SV2C: variants seen among roughly 807,000 people sequenced by gnomAD.
The protein encoded by SV2C is synaptic vesicle glycoprotein 2C, also known as solute carrier family 22 member B3.
Under a neutral mutation model 79.7 loss-of-function variants are expected in SV2C, and 49 were observed. That is an observed-to-expected ratio of 0.61 (90% CI 0.49 to 0.78). SV2C has a LOEUF of 0.78. Among genes scored for constraint, SV2C ranks in the 30% least tolerant of loss-of-function variants. The probability of loss-of-function intolerance (pLI) is 0.00; values close to 1 mark genes in which losing one functional copy is unlikely to be tolerated. For synonymous variants in SV2C, 334 were observed against 333.2 expected, an observed-to-expected ratio of 1.00 and a Z score of -0.03; for missense variants, 833 against 912.9, an observed-to-expected ratio of 0.91 and a Z score of 1.13.
At chr5:75,913,595 A>G in the SV2C span, among the ~76,000 whole-genome samples, 2 of 152,214 alleles carry the variant, frequency 1.3e-5, no homozygotes. Context: ...GTGTAAGATG[A>G]CAAGACTAAT....
chr5:76,037,699 G>C, the SV2C span, among the ~76,000 whole-genome samples: 2,410 of 152,308 alleles, frequency 0.016, 62 homozygotes, highest in African/African-American at 0.049. Context: ...CTGTCTTTTT[G>C]TTTGTCTGTG....
chr5:76,074,909 A>G, the SV2C span, among the ~76,000 whole-genome samples: 5 of 152,242 alleles, frequency 3.3e-5, no homozygotes, highest in Admixed American at 6.5e-5. Flanking sequence ...AACACAGCTC[A>G]ACTCAAATCA....
the SV2C span, among the ~76,000 whole-genome samples, chr5:75,956,400 G>A: frequency 2.7e-5 from 3 of 112,566 alleles, no homozygotes; most frequent in Admixed American, 3.5e-4. Flanking sequence ...CTGTTGTGGG[G>A]TGGGGGGAGG....
the SV2C span, among the ~76,000 whole-genome samples, chr5:75,859,673 C>T: frequency 1.3e-5 from 2 of 152,110 alleles, no homozygotes; most frequent in African/African-American, 4.8e-5. Flanking sequence ...CGCGGCATTC[C>T]ACAGGTTGCT....
chr5:75,858,141 G>T, the SV2C span, among the ~76,000 whole-genome samples: 1 of 152,108 alleles, frequency 6.6e-6, no homozygotes, highest in Non-Finnish European at 1.5e-5. Context: ...CCAGTCGTAC[G>T]GTGAATAACA....
the SV2C span, chr5:75,921,395 A>T: frequency 2.4e-6 from 2 of 840,356 alleles, no homozygotes; most frequent in Non-Finnish European, 4.2e-6. Flanking sequence ...CCCTGGGTCA[A>T]ACTGCGCTTG....
At chr5:76,115,868 T>C (rs961404927) in intron 1 of SV2C, among the ~76,000 whole-genome samples, 1 of 152,196 alleles carries the variant, frequency 6.6e-6, no homozygotes, top group Non-Finnish European at 1.5e-5. Context: ...TGACCCCCTC[T>C]CCCTGGCTCT....
intron 12 of SV2C, among the ~76,000 whole-genome samples, chr5:76,312,840 G>T (rs2112546981): frequency 6.6e-6 from 1 of 152,324 alleles, no homozygotes; most frequent in South Asian, 2.1e-4. Flanking sequence ...TGAGAGTCCT[G>T]GGCAGCTGCT....
At chr5:76,302,024 T>C (rs1425271851) in intron 12 of SV2C, among the ~76,000 whole-genome samples, 2 of 149,654 alleles carry the variant, frequency 1.3e-5, no homozygotes, top group Non-Finnish European at 1.5e-5. Context: ...AAAGAAAATA[T>C]AGGGGAACAT....
intron 3 of SV2C, among the ~76,000 whole-genome samples, chr5:76,201,815 G>A (rs1311668329): frequency 2.6e-5 from 4 of 151,920 alleles, no homozygotes; most frequent in African/African-American, 9.7e-5. Context: ...TCAGGAGATC[G>A]AGACCATCCT....
At chr5:75,950,326 T>C in the SV2C span, among the ~76,000 whole-genome samples, 2 of 152,032 alleles carry the variant, frequency 1.3e-5, no homozygotes, top group Non-Finnish European at 2.9e-5. Context: ...TACAAATGAA[T>C]TTAATCATTA....
At chr5:75,939,862 C>T in the SV2C span, among the ~76,000 whole-genome samples, 1 of 152,124 alleles carries the variant, frequency 6.6e-6, no homozygotes, top group African/African-American at 2.4e-5. Flanking sequence ...AACCTCTCTC[C>T]TCCCCATCTT....
chr5:75,951,066 C>T, the SV2C span, among the ~76,000 whole-genome samples: 2 of 151,912 alleles, frequency 1.3e-5, no homozygotes, highest in Non-Finnish European at 2.9e-5. Flanking sequence ...TACAAAAATG[C>T]CATAGAATAT....
chr5:76,271,076 T>C (rs541316040), intron 4 of SV2C, among the ~76,000 whole-genome samples: 5 of 152,236 alleles, frequency 3.3e-5, no homozygotes, highest in Admixed American at 3.3e-4. Flanking sequence ...ACCTAATCGC[T>C]ATGATTTTTA....
At chr5:75,928,522 C>T in the SV2C span, among the ~76,000 whole-genome samples, 1 of 152,164 alleles carries the variant, frequency 6.6e-6, no homozygotes, top group Non-Finnish European at 1.5e-5. Context: ...TATGAACTCC[C>T]TGCAATTGTA....
At chr5:76,288,910 C>G (rs561816958) in intron 6 of SV2C, among the ~76,000 whole-genome samples, 1 of 150,936 alleles carries the variant, frequency 6.6e-6, no homozygotes, top group Non-Finnish European at 1.5e-5. Flanking sequence ...GACAGGGTCT[C>G]GTTCTGTTGC....
At chr5:76,068,637 T>TA in the SV2C span, among the ~76,000 whole-genome samples, 1 of 152,088 alleles carries the variant, frequency 6.6e-6, no homozygotes, top group East Asian at 1.9e-4. Context: ...TTATCTGATC[T>TA]AAAAAAAGTT....
chr5:76,098,299 A>T (rs2112112452), intron 1 of SV2C, among the ~76,000 whole-genome samples: 2 of 152,330 alleles, frequency 1.3e-5, no homozygotes, highest in Admixed American at 1.3e-4. Context: ...AGAGGGGCTG[A>T]AGGCCTGGTG....
intron 4 of SV2C, among the ~76,000 whole-genome samples, chr5:76,273,448 A>G (rs141562846): frequency 1.6e-3 from 236 of 152,084 alleles, no homozygotes; most frequent in African/African-American, 5.4e-3. Context: ...CACTCTTTGC[A>G]TATTTGGGGC....
Sources: gnomAD v4.1 joint callset for allele counts (sites outside exome capture counted in the v4.1 genomes callset) on GRCh38, gnomAD v4.1.1 for gene constraint, MANE v1.5 for transcripts, NCBI Gene and HGNC (gene_info 2026-07-23, HGNC 2026-07-21) for gene names.